Variants in CNTN1 observed in about 807,000 individuals in gnomAD.
CNTN1 encodes contactin 1, also known as contactin-1.
Under a neutral mutation model 126.4 loss-of-function variants are expected in CNTN1, and 38 were observed. The ratio of observed to expected loss-of-function variants is 0.30; its 90% CI spans 0.23 to 0.39. CNTN1 has a LOEUF of 0.39. CNTN1 is among the 10% of genes least tolerant of loss of function. The probability of loss-of-function intolerance (pLI) is 1.00; values close to 1 mark genes in which losing one functional copy is unlikely to be tolerated. For synonymous variants in CNTN1, 413 were observed against 422.6 expected (o/e 0.98, Z 0.28); for missense variants, 1,009 against 1,248.4 (o/e 0.81, Z 2.89).
intron 1 of CNTN1, among the ~76,000 whole-genome samples, chr12:40,723,240 C>T (rs1488810323): frequency 6.6e-6 from 1 of 152,166 alleles, no homozygotes; most frequent in Non-Finnish European, 1.5e-5. Flanking sequence ...TAATTCTTAG[C>T]TATTCAGGAT....
intron 1 of CNTN1, among the ~76,000 whole-genome samples, chr12:40,841,090 A>T (rs1942260065): frequency 6.6e-6 from 1 of 152,016 alleles, no homozygotes; most frequent in Non-Finnish European, 1.5e-5. Context: ...CTAAATAAAC[A>T]AACTAAGAAA....
intron 23 of CNTN1, among the ~76,000 whole-genome samples, chr12:41,051,597 G>T (rs532174775): frequency 6.6e-6 from 1 of 151,898 alleles, no homozygotes; most frequent in South Asian, 2.1e-4. Flanking sequence ...TTCTACAATT[G>T]TTGAGGATAT....
intron 9 of CNTN1, among the ~76,000 whole-genome samples, chr12:40,935,044 G>A (rs1946032261): frequency 6.6e-6 from 1 of 151,772 alleles, no homozygotes; most frequent in Non-Finnish European, 1.5e-5. Context: ...TTCCATCTGT[G>A]AACCCCATCT....
chr12:41,038,325 C>T (rs142451770), intron 23 of CNTN1, among the ~76,000 whole-genome samples: 57 of 152,190 alleles, frequency 3.7e-4, no homozygotes, highest in South Asian at 1.2e-3. Flanking sequence ...TGACAGTACA[C>T]AGACTGGGTG....
At chr12:40,801,151 A>G (rs1940636961) in intron 1 of CNTN1, among the ~76,000 whole-genome samples, 1 of 151,962 alleles carries the variant, frequency 6.6e-6, no homozygotes, top group Admixed American at 6.6e-5. Flanking sequence ...AAAGTGAACC[A>G]TTTATTCAGC....
intron 19 of CNTN1, 99 bp downstream of exon 19, chr12:41,017,015 C>T (rs1276791732): frequency 2.2e-6 from 2 of 925,244 alleles, no homozygotes; most frequent in South Asian, 1.4e-5. Context: ...CTTATTAAGA[C>T]CTTTTTATAG....
At chr12:40,751,124 T>C (rs1938391201) in intron 1 of CNTN1, among the ~76,000 whole-genome samples, 1 of 152,064 alleles carries the variant, frequency 6.6e-6, no homozygotes, top group African/African-American at 2.4e-5. Flanking sequence ...TCTAATAGGA[T>C]GAAGACCAAA....
At chr12:41,063,572 G>T (rs899757318) in intron 23 of CNTN1, among the ~76,000 whole-genome samples, 6 of 152,086 alleles carry the variant, frequency 3.9e-5, no homozygotes, top group Non-Finnish European at 8.8e-5. Flanking sequence ...CCTTTCACTG[G>T]GCAAAGTACC....
intron 20 of CNTN1, among the ~76,000 whole-genome samples, chr12:41,024,604 T>C (rs994764476): frequency 6.6e-6 from 1 of 152,098 alleles, no homozygotes; most frequent in Non-Finnish European, 1.5e-5. Flanking sequence ...ATATCTAGCT[T>C]CTATATGGGT....
intron 23 of CNTN1, among the ~76,000 whole-genome samples, chr12:41,058,008 T>C (rs1949862765): frequency 6.6e-6 from 1 of 152,020 alleles, no homozygotes; most frequent in Non-Finnish European, 1.5e-5. Context: ...TGAACTGAAC[T>C]AAGTAGTGCA....
intron 1 of CNTN1, among the ~76,000 whole-genome samples, chr12:40,807,622 G>T (rs1015242088): frequency 1.3e-5 from 2 of 152,128 alleles, no homozygotes; most frequent in Non-Finnish European, 1.5e-5. Context: ...TACAGGTTAG[G>T]AGTGGACTTC....
At chr12:40,987,738 G>C (rs188347617) in intron 16 of CNTN1, among the ~76,000 whole-genome samples, 1 of 152,176 alleles carries the variant, frequency 6.6e-6, no homozygotes, top group East Asian at 1.9e-4. Context: ...CCCTAAAATA[G>C]ATATTTGTAA....
intron 17 of CNTN1, among the ~76,000 whole-genome samples, chr12:40,994,057 G>C (rs1350258508): frequency 6.6e-6 from 1 of 151,990 alleles, no homozygotes; most frequent in Non-Finnish European, 1.5e-5. Flanking sequence ...ATTTAATGTT[G>C]TCACTTCTAC....
intron 17 of CNTN1, among the ~76,000 whole-genome samples, chr12:40,993,609 C>G (rs1948144639): frequency 6.6e-6 from 1 of 152,064 alleles, no homozygotes; most frequent in Admixed American, 6.6e-5. Flanking sequence ...AATGTAAATT[C>G]TGAATCTTAA....
chr12:41,006,808 G>C (rs1229330867), intron 17 of CNTN1, among the ~76,000 whole-genome samples: 3 of 152,144 alleles, frequency 2.0e-5, no homozygotes, highest in African/African-American at 7.2e-5. Flanking sequence ...CATGGGAAAA[G>C]GTATGTCCTC....
intron 18 of CNTN1, among the ~76,000 whole-genome samples, 180 bp downstream of exon 18, chr12:41,014,478 G>A (rs967216298): frequency 2.6e-4 from 40 of 152,140 alleles, no homozygotes; most frequent in Admixed American, 2.6e-4. Context: ...GTGGCTTAGT[G>A]TGTAGCTCCT....
chr12:41,026,805 A>G (rs1474528018), intron 21 of CNTN1, among the ~76,000 whole-genome samples: 2 of 152,206 alleles, frequency 1.3e-5, no homozygotes, highest in Admixed American at 1.3e-4. Context: ...TCATTCTGGC[A>G]TCTGTACAGA....
intron 23 of CNTN1, among the ~76,000 whole-genome samples, chr12:41,063,414 G>C (rs564485083): frequency 1.7e-4 from 26 of 152,206 alleles, no homozygotes; most frequent in Non-Finnish European, 2.9e-4. Context: ...GTCCTTGATA[G>C]AAAGTTACTG....
intron 1 of CNTN1, among the ~76,000 whole-genome samples, chr12:40,895,204 G>A (rs1241531856): frequency 1.3e-5 from 2 of 151,850 alleles, no homozygotes; most frequent in Non-Finnish European, 2.9e-5. Flanking sequence ...TATCTTATTT[G>A]GTATTCATAG....
Sources: allele counts gnomAD v4.1 joint callset (sites outside exome capture counted in the v4.1 genomes callset), GRCh38; gene constraint gnomAD v4.1.1; transcripts MANE v1.5; gene names NCBI Gene and HGNC (gene_info 2026-07-23, HGNC 2026-07-21).